The following MRM1 variants were observed in gnomAD, a reference collection of about 807,000 sequenced individuals.
The protein encoded by MRM1 is rRNA methyltransferase 1, mitochondrial.
A neutral mutation model predicts 25.0 loss-of-function variants in MRM1; 24 were observed. That is an observed-to-expected ratio of 0.96 (90% CI 0.69 to 1.35). MRM1 has a LOEUF of 1.35. MRM1 is among the 40% of genes most tolerant of loss of function. The pLI is 0.00. For synonymous variants in MRM1, 188 were observed against 199.2 expected, an observed-to-expected ratio of 0.94 and a Z score of 0.47; for missense variants, 431 against 464.1, an observed-to-expected ratio of 0.93 and a Z score of 0.65.
chr17:36,614,215 C>T, the MRM1 span, among the ~76,000 whole-genome samples: 2 of 152,000 alleles, frequency 1.3e-5, no homozygotes, highest in African/African-American at 4.8e-5. Context: ...GTGGGGGCTG[C>T]GTAGGGGGAG....
At position 36,601,780 on chromosome 17, in the gene MRM1, G is replaced by A. The variant is rs1256590631; in HGVS notation, c.-31G>A. The stretch of plus-strand genomic sequence containing the variant: ...GTTACCGCTCCCGGGGACGCAGCAA[G>A]GGGCATCGAGTCCCTGGCGGGAGCT... On this transcript the variant is annotated 5_prime_UTR_variant, in exon 1 of 5. Transcript: ENST00000614766. 7.3e-6 allele frequency: 11 copies of A among 1,516,278 alleles called. No homozygotes were observed. Among genetic ancestry groups the A allele is most frequent in the Middle Eastern group, 2.2e-4 (1 of 4,578 alleles). 93.9% of individuals were successfully genotyped at this position (1,516,278 alleles called of 1,614,324 possible).
chr17:36,627,684 T>TC, the MRM1 span, among the ~76,000 whole-genome samples: 7 of 146,544 alleles, frequency 4.8e-5, no homozygotes, highest in African/African-American at 1.5e-4. Context: ...GTTTTTTTTT[T>TC]TTTTTTTTTT....
At position 36,608,781 on chromosome 17, in the gene MRM1, A is replaced by T. The variant is rs2142843127; in HGVS notation, c.*366A>T. On this transcript the variant is annotated 3_prime_UTR_variant, in exon 5 of 5. Coordinates refer to ENST00000614766, the MANE Select transcript of MRM1 (RefSeq NM_024864.5). ...TTGAACCAGTCATTGCCTGTGGCAA[A>T]TGTGTGTATGAGAATGTGGGGGGTG... 68 of 163,236 alleles carry T rather than the reference A, an allele frequency of 4.2e-4. No homozygotes were observed. Among genetic ancestry groups the T allele is most frequent in the East Asian group, 1.1e-3 (6 of 5,652 alleles). The allele number at this position is 163,236 out of a possible 1,614,324, so 10.1% of individuals were successfully genotyped here.
chr17:36,616,279 CCCTGAGCACG>C, the MRM1 span, among the ~76,000 whole-genome samples: 5 of 152,218 alleles, frequency 3.3e-5, no homozygotes, highest in Non-Finnish European at 7.3e-5. Flanking sequence ...AGGGGCAGAT[CCCTGAGCACG>C]CCTCCAGCCG....
At chr17:36,614,219 G>C in the MRM1 span, among the ~76,000 whole-genome samples, 1 of 152,068 alleles carries the variant, frequency 6.6e-6, no homozygotes, top group African/African-American at 2.4e-5. Context: ...GGGCTGCGTA[G>C]GGGGAGGTGT....
chr17:36,613,439 C>T (rs374113481), downstream of MRM1, among the ~76,000 whole-genome samples: 3 of 152,178 alleles, frequency 2.0e-5, no homozygotes, highest in African/African-American at 7.2e-5. Context: ...ACTGCAGAGC[C>T]GCTCAGCCAC....
At chr17:36,622,799 G>GCA in the MRM1 span, among the ~76,000 whole-genome samples, 1 of 152,170 alleles carries the variant, frequency 6.6e-6, no homozygotes, top group African/African-American at 2.4e-5. Context: ...GTCTGCCTGG[G>GCA]TCATGCTCCT....
rs368599587 is a variant in MRM1, at chr17:36,608,071, A to T, written c.889+53A>T. ...CTATCCCTCTAATCACGCAGGTGGG[A>T]TTTGATGCCCTCTAATCCCATTTGC... On this transcript the variant is annotated intron_variant, in intron 4 of 4. Transcript: ENST00000614766. 3.6e-5 allele frequency: 58 copies of T among 1,598,328 alleles called. No individual in the cohort carries two copies. The African/African-American group carries it at 6.7e-4, about 18-fold the overall frequency.
At chr17:36,632,195 A>G in the MRM1 span, among the ~76,000 whole-genome samples, 1 of 152,084 alleles carries the variant, frequency 6.6e-6, no homozygotes, top group Non-Finnish European at 1.5e-5. Flanking sequence ...GTACCTGCTT[A>G]CCTGCATGAA....
Position 36,608,533 on chromosome 17 carries a change from A to C in MRM1, c.*118A>C. 2.2e-4 allele frequency: 71 copies of C among 317,192 alleles called. No individual in the cohort carries two copies. Among genetic ancestry groups the C allele is most frequent in the East Asian group, 6.9e-4 (8 of 11,524 alleles). The allele number at this position is 317,192 out of a possible 1,614,324, so 19.6% of individuals were successfully genotyped here. On this transcript the variant is annotated 3_prime_UTR_variant, in exon 5 of 5. Coordinates refer to ENST00000614766, the MANE Select transcript of MRM1 (RefSeq NM_024864.5). The stretch of plus-strand genomic sequence containing the variant: ...TGCACCAGGCCCATGTTTATTGACC[A>C]CAGTCTGGGGGGGGGGGAAGGGGAC...
chr17:36,618,642 G>A, the MRM1 span, among the ~76,000 whole-genome samples: 3 of 152,274 alleles, frequency 2.0e-5, no homozygotes, highest in South Asian at 4.1e-4. Context: ...TAGAGGCTGG[G>A]TGCCACTGGG....
At chr17:36,633,241 C>T in the MRM1 span, among the ~76,000 whole-genome samples, 1 of 152,136 alleles carries the variant, frequency 6.6e-6, no homozygotes, top group African/African-American at 2.4e-5. Flanking sequence ...CTTAACCCCA[C>T]TCCCACTCCT....
downstream of MRM1, among the ~76,000 whole-genome samples, chr17:36,612,134 A>G (rs558401975): frequency 6.6e-6 from 1 of 152,224 alleles, no homozygotes; most frequent in South Asian, 2.1e-4. Flanking sequence ...AGACTCCTCC[A>G]TGGTGGCTGG....
the MRM1 span, among the ~76,000 whole-genome samples, chr17:36,632,606 C>A: frequency 6.6e-6 from 1 of 152,156 alleles, no homozygotes; most frequent in African/African-American, 2.4e-5. Flanking sequence ...GTGCTCCCCC[C>A]CACTGCCATC....
downstream of MRM1, among the ~76,000 whole-genome samples, chr17:36,613,068 G>A (rs1342189455): frequency 1.3e-5 from 2 of 152,136 alleles, no homozygotes; most frequent in East Asian, 1.9e-4. Context: ...CTGAGATGCC[G>A]AGATGGAAAG....
At chr17:36,620,774 C>T in the MRM1 span, among the ~76,000 whole-genome samples, 2 of 152,162 alleles carry the variant, frequency 1.3e-5, no homozygotes, top group Non-Finnish European at 2.9e-5. Flanking sequence ...TGCTTTGAAG[C>T]CTAGCTGTGC....
the MRM1 span, among the ~76,000 whole-genome samples, chr17:36,627,073 T>TGC: frequency 6.6e-6 from 1 of 152,158 alleles, no homozygotes; most frequent in African/African-American, 2.4e-5. Flanking sequence ...TAGGACAGAA[T>TGC]GAGATGATGC....
intron 2 of MRM1, among the ~76,000 whole-genome samples, chr17:36,603,565 ATT>A (rs5820169): frequency 5.4e-5 from 8 of 147,992 alleles, no homozygotes; most frequent in Non-Finnish European, 6.0e-5. Context: ...TGCCCAGCTA[ATT>A]TTTTTTTTTT....
At chr17:36,606,607 CTT>C (rs71159627) in intron 2 of MRM1, among the ~76,000 whole-genome samples, 11 of 142,818 alleles carry the variant, frequency 7.7e-5, no homozygotes, top group Admixed American at 1.4e-4. Flanking sequence ...TCAGGCTAGT[CTT>C]TTTTTTTTTT....
Sources: allele counts gnomAD v4.1 joint callset (sites outside exome capture counted in the v4.1 genomes callset), GRCh38; gene constraint gnomAD v4.1.1; transcripts MANE v1.5; gene names NCBI Gene and HGNC (gene_info 2026-07-23, HGNC 2026-07-21).